Variants in SPTB observed in about 807,000 individuals in gnomAD.
The protein encoded by SPTB is spectrin beta chain, erythrocytic.
In SPTB, 45 loss-of-function variants were observed where a neutral mutation model predicts 256.2. The observed-to-expected ratio is 0.18, with a 90% CI of 0.14 to 0.23. SPTB has a LOEUF of 0.23. Among genes scored for constraint, SPTB ranks in the 10% least tolerant of loss-of-function variants. SPTB has a pLI of 1.00. For synonymous variants in SPTB, 1,231 were observed against 1,243.1 expected (o/e 0.99, Z 0.21); for missense variants, 2,715 against 3,040.4 (o/e 0.89, Z 2.52).
rs777243065 is a variant in SPTB at position 64,794,480 on chromosome 14, G to A, written c.1782C>T (p.Phe594=). The A allele has an allele frequency of 1.7e-5, 27 of 1,614,098 alleles. No individual in the cohort carries two copies. In the South Asian group the frequency reaches 2.7e-4, roughly 16 times the overall value. ...ACTTGGTCTCACCTTTCCCCTCGGT[G>A]AACTTCAGGGTGGCTGCGGTGATGG... ...VKAITAATLK[F]TEGKGYQPCD... is the part of the protein sequence containing the mutation. The change falls in exon 13 of 36, where the codon TTC becomes TTT. Residue 594 remains phenylalanine, a synonymous_variant. Coordinates refer to ENST00000644917, the MANE Select transcript of SPTB (RefSeq NM_001355436.2).
In SPTB at chr14:64,751,946, T is replaced by TAAAAAAAAAAAAAAAAAAAAAAAAA. The variant is rs1566731898; in HGVS notation, c.6602+1590_6602+1591insTTTTTTTTTTTTTTTTTTTTTTTTT. On this transcript the variant is annotated intron_variant, in intron 33 of 35. Transcript: ENST00000644917. ...AAAATGCAAAAAAAAAAAAAAAAAT[T>TAAAAAAAAAAAAAAAAAAAAAAAAA]AGCCAGGCGTGGTGGCACGTGCCTG... is the stretch of plus-strand genomic sequence containing the variant. Among the ~76,000 whole-genome samples, 16 of 90,478 alleles carry TAAAAAAAAAAAAAAAAAAAAAAAAA rather than the reference T, an allele frequency of 1.8e-4. 1 individual carries two copies. The highest frequency in any genetic ancestry group is 2.6e-4 in the African/African-American group (6 of 22,738). The allele number at this position is 90,478 out of a possible 152,430, so 59.4% of individuals were successfully genotyped here.
At chr14:64,803,480 G>A in intron 4 of SPTB, 127 bp downstream of exon 4, 1 of 1,178,634 alleles carries the variant, frequency 8.5e-7, no homozygotes. Flanking sequence ...ACTGTCCCAT[G>A]TGGCAGATTT....
At chr14:64,830,151 C>T (rs2083431004) in intron 1 of SPTB, among the ~76,000 whole-genome samples, 1 of 151,872 alleles carries the variant, frequency 6.6e-6, no homozygotes, top group African/African-American at 2.4e-5. Context: ...ATTCATGTAT[C>T]TGTCTGTTTC....
intron 23 of SPTB, 70 bp from the exon 24 acceptor site, chr14:64,774,597 C>G: frequency 6.5e-7 from 1 of 1,548,954 alleles, no homozygotes; most frequent in Non-Finnish European, 8.7e-7. Context: ...AAGTTGTGCC[C>G]CCACTCCTGG....
At chr14:64,774,995 G>A (rs2082335497) in intron 23 of SPTB, 130 bp downstream of exon 23, 4 of 1,317,840 alleles carry the variant, frequency 3.0e-6, no homozygotes, top group Non-Finnish European at 4.3e-6. Flanking sequence ...GGGAGTCTGT[G>A]GGTTCCTTGT....
chr14:64,812,454 T>A (rs2083107302), intron 2 of SPTB, among the ~76,000 whole-genome samples: 1 of 152,150 alleles, frequency 6.6e-6, no homozygotes, highest in African/African-American at 2.4e-5. Flanking sequence ...GAGTGAGGTC[T>A]GTAAGGAGCA....
chr14:64,850,028 C>T (rs570137205), intron 1 of SPTB, among the ~76,000 whole-genome samples: 22 of 152,294 alleles, frequency 1.4e-4, no homozygotes, highest in Admixed American at 5.2e-4. Context: ...ATGTTTTGCA[C>T]GGCTACGATC....
At position 64,841,296 on chromosome 14, in the gene SPTB, C is replaced by T. The variant is rs2139752312; in HGVS notation, c.-51-18151G>A. On this transcript the variant is annotated intron_variant, in intron 1 of 35. Transcript: ENST00000644917. This position sits in a 1 kb window ranked among gnomAD's most constrained non-coding sequence, Gnocchi z 4.6. ...AGGCAGTCTGAGTCAGAGCCCCTGC[C>T]CTTACCTCCTGTGATCACTGCCCTG... Among the ~76,000 whole-genome samples the T allele has an allele frequency of 6.6e-6, 1 of 152,268 alleles. No individual in the cohort carries two copies. Among genetic ancestry groups the T allele is most frequent in the African/African-American group, 2.4e-5 (1 of 41,538 alleles).
rs534923091 is a variant in SPTB at position 64,799,322 on chromosome 14, AAAG to A, written c.1064+422_1064+424del. Among the ~76,000 whole-genome samples the A allele has an allele frequency of 8.7e-3, 1,318 of 152,276 alleles. 8 individuals carry two copies. The highest frequency in any genetic ancestry group is 0.013 in the Non-Finnish European group (867 of 68,018). ...CTGAGCAGTGACAGATGGGAGAGAAAAAGAAGGATGAACTTGACAATCCATAAG... is the reference window on the plus strand; with the variant it reads ...CTGAGCAGTGACAGATGGGAGAGAAAAAGGATGAACTTGACAATCCATAAG... On this transcript the variant is annotated intron_variant, in intron 9 of 35. Coordinates refer to ENST00000644917, the MANE Select transcript of SPTB (RefSeq NM_001355436.2).
chr14:64,804,208 G>C (rs1375071250), intron 3 of SPTB, among the ~76,000 whole-genome samples: 1 of 152,178 alleles, frequency 6.6e-6, no homozygotes, highest in Admixed American at 6.5e-5. Flanking sequence ...CTCTCCCCCA[G>C]TGATAACTGC....
chr14:64,859,847 A>G (rs2083936609), intron 1 of SPTB, among the ~76,000 whole-genome samples: 1 of 152,114 alleles, frequency 6.6e-6, no homozygotes. Context: ...TTCATTTTCT[A>G]TGGTCTGTAT....
Position 64,769,844 on chromosome 14 carries a change from C to T in SPTB, c.5799-116G>A, listed in dbSNP as rs549665235. ...CTGTGGGAGTGTGACCGTGCTCCCT[C>T]CTCTCTCTCTGGCCAGCCAGGGGGT... On this transcript the variant is annotated intron_variant, in intron 27 of 35. Coordinates refer to ENST00000644917, the MANE Select transcript of SPTB (RefSeq NM_001355436.2). The T allele has an allele frequency of 2.2e-5, 32 of 1,445,946 alleles. No individual in the cohort carries two copies. The Middle Eastern group carries it at 2.1e-3, about 93-fold the overall frequency. The allele number at this position is 1,445,946 out of a possible 1,614,324, so 89.6% of individuals were successfully genotyped here.
chr14:64,862,334 G>A (rs1881900358), intron 1 of SPTB, among the ~76,000 whole-genome samples: 1 of 152,100 alleles, frequency 6.6e-6, no homozygotes, highest in South Asian at 2.1e-4. Context: ...AGTTTTTTAA[G>A]AACCTGCAAA....
In SPTB at chr14:64,772,548, G is replaced by A. The variant is rs775806613; in HGVS notation, c.5553+32C>T. ...TGACACCCAGGGCTCCTGGAAATTG[G>A]TAGCAGGTGGGCGGCAGGGGGCTGA... On this transcript the variant is annotated intron_variant, in intron 26 of 35. Coordinates refer to ENST00000644917, the MANE Select transcript of SPTB (RefSeq NM_001355436.2). This position sits in a 1 kb window ranked among gnomAD's most constrained non-coding sequence, Gnocchi z 5.4. The A allele has an allele frequency of 1.9e-6, 3 of 1,599,306 alleles. No homozygotes were observed. The highest frequency in any genetic ancestry group is 1.3e-5 in the African/African-American group (1 of 74,858).
chr14:64,841,099 T>C lies in SPTB; in HGVS notation c.-51-17954A>G, dbSNP rs2083599746. Among the ~76,000 whole-genome samples, 1 of 152,208 alleles carries C rather than the reference T, an allele frequency of 6.6e-6. No individual in the cohort carries two copies. Among genetic ancestry groups the C allele is most frequent in the Non-Finnish European group, 1.5e-5 (1 of 68,036 alleles). On this transcript the variant is annotated intron_variant, in intron 1 of 35. Transcript: ENST00000644917. This position sits in a 1 kb window ranked among gnomAD's most constrained non-coding sequence, Gnocchi z 4.6. The stretch of plus-strand genomic sequence containing the variant: ...TTGTGTATTTATTGAGAGTTTACCT[T>C]GTGCCTGGCATTGGATTTTGTAAAC...
chr14:64,754,242 A>G (rs952860399), intron 32 of SPTB: 3 of 294,980 alleles, frequency 1.0e-5, no homozygotes, highest in African/African-American at 6.5e-5. Context: ...CACTTATAGT[A>G]GAATGTTGAA....
chr14:64,833,406 C>A (rs1664368944), intron 1 of SPTB, among the ~76,000 whole-genome samples: 1 of 152,064 alleles, frequency 6.6e-6, no homozygotes, highest in African/African-American at 2.4e-5. Context: ...CAAAAATTAG[C>A]TGGGCATGGT....
At chr14:64,782,790 A>G (rs1032695282) in intron 19 of SPTB, among the ~76,000 whole-genome samples, 1 of 151,498 alleles carries the variant, frequency 6.6e-6, no homozygotes, top group Non-Finnish European at 1.5e-5. Flanking sequence ...ACACACATAA[A>G]ATACATTAAC....
In SPTB at chr14:64,825,642, C is replaced by T. The variant is rs979382311; in HGVS notation, c.-51-2497G>A. 2.0e-5 allele frequency among the ~76,000 whole-genome samples: 3 copies of T among 152,212 alleles called. No homozygotes were observed. Among genetic ancestry groups the T allele is most frequent in the South Asian group, 4.1e-4 (2 of 4,836 alleles). On this transcript the variant is annotated intron_variant, in intron 1 of 35. Coordinates refer to ENST00000644917, the MANE Select transcript of SPTB (RefSeq NM_001355436.2). This position sits in a 1 kb window ranked among gnomAD's most constrained non-coding sequence, Gnocchi z 4.8. Reference sequence around the variant, plus strand: ...TCAGACCCTGAGTGCAGGAAGTAACCGGACCCTGGCTCTCCTGATTCGTCC... The same window carrying T: ...TCAGACCCTGAGTGCAGGAAGTAACTGGACCCTGGCTCTCCTGATTCGTCC...
Sources: allele counts gnomAD v4.1 joint callset (sites outside exome capture counted in the v4.1 genomes callset), GRCh38; gene constraint gnomAD v4.1.1; non-coding constraint Gnocchi (gnomAD v3.1); transcripts MANE v1.5; gene names NCBI Gene and HGNC (gene_info 2026-07-23, HGNC 2026-07-21).